Variants in ADAM10 observed in about 807,000 individuals in gnomAD.
ADAM10 encodes the protein ADAM metallopeptidase domain 10, also known as disintegrin and metalloproteinase domain-containing protein 10.
In ADAM10, 17 loss-of-function variants were observed where a neutral mutation model predicts 90.1. That is an observed-to-expected ratio of 0.19 (90% confidence interval 0.13 to 0.28). The LOEUF (loss-of-function observed/expected upper bound fraction) is 0.28, where lower values mean the gene tolerates loss of function less well. ADAM10 is among the 10% of genes least tolerant of loss of function. ADAM10 has a pLI of 1.00. For synonymous variants in ADAM10, 310 were observed against 298.6 expected (o/e 1.04, Z -0.40); for missense variants, 610 against 914.3 (o/e 0.67, Z 4.29).
chr15:58,663,014 T>C (rs1347881828), intron 5 of ADAM10, among the ~76,000 whole-genome samples: 1 of 152,230 alleles, frequency 6.6e-6, no homozygotes, highest in Non-Finnish European at 1.5e-5. Flanking sequence ...CACTCAGATA[T>C]CAATCCTGCA....
chr15:58,698,855 A>T lies in ADAM10; in HGVS notation c.207-16541T>A, dbSNP rs1202075910. On this transcript the variant is annotated intron_variant, in intron 2 of 15. Transcript: ENST00000260408. ...GTGCCCCAGAAGGCAAAGAAAAAAC[A>T]AAAGGGATAAAAAACCTATTTAACA... Among the ~76,000 whole-genome samples, 3 of 152,198 alleles carry T rather than the reference A, an allele frequency of 2.0e-5. No homozygotes were observed. The East Asian group carries it at 5.8e-4, about 29-fold the overall frequency.
At position 58,655,708 on chromosome 15, in the gene ADAM10, ATAGTATATAT is replaced by A. The variant is rs1372886975; in HGVS notation, c.585+9379_585+9388del. Among the ~76,000 whole-genome samples the A allele has an allele frequency of 1.3e-4, 9 of 67,404 alleles. 3 individuals are homozygous for A. Among genetic ancestry groups the A allele is most frequent in the African/African-American group, 2.9e-4 (5 of 17,232 alleles). The allele number at this position is 67,404 out of a possible 152,430, so 44.2% of individuals were successfully genotyped here. A position where few individuals can be genotyped will look rare whatever the true frequency, so the allele number is the denominator to read the frequency against. ...TATATTATATATAGTATATATATATATAGTATATATATATATATATATATATATATATTCT... is the reference window on the plus strand; with the variant it reads ...TATATTATATATAGTATATATATATAATATATATATATATATATATATTCT... On this transcript the variant is annotated intron_variant, in intron 5 of 15. Transcript: ENST00000260408.
intron 2 of ADAM10, among the ~76,000 whole-genome samples, chr15:58,715,928 T>C (rs1338190275): frequency 6.6e-6 from 1 of 152,198 alleles, no homozygotes; most frequent in Non-Finnish European, 1.5e-5. Context: ...TTAATATAAT[T>C]AATAATACTA....
At chr15:58,722,060 C>T (rs560499695) in intron 1 of ADAM10, among the ~76,000 whole-genome samples, 1 of 151,008 alleles carries the variant, frequency 6.6e-6, no homozygotes. Flanking sequence ...AAATAATAGG[C>T]CGGGCACGGT....
At chr15:58,665,326 G>A (rs1265759776) in intron 4 of ADAM10, 129 bp from the exon 5 acceptor site, 1 of 772,634 alleles carries the variant, frequency 1.3e-6, no homozygotes, top group Non-Finnish European at 2.2e-6. Flanking sequence ...AGCACCTATG[G>A]AAAAGGCATT....
chr15:58,665,648 A>C (rs1211589237), intron 4 of ADAM10, among the ~76,000 whole-genome samples: 1 of 151,312 alleles, frequency 6.6e-6, no homozygotes, highest in Non-Finnish European at 1.5e-5. Flanking sequence ...GATACTCCCC[A>C]CCCCTCATTT....
chr15:58,681,767 G>A (rs969336082), intron 3 of ADAM10, among the ~76,000 whole-genome samples: 3 of 152,164 alleles, frequency 2.0e-5, no homozygotes, highest in Admixed American at 1.3e-4. Flanking sequence ...TGAGGAAGAA[G>A]GGCCTTGGGA....
chr15:58,745,082 C>A (rs1899747522), intron 1 of ADAM10, among the ~76,000 whole-genome samples: 1 of 152,304 alleles, frequency 6.6e-6, no homozygotes, highest in East Asian at 1.9e-4. Flanking sequence ...ACTCTGGAGG[C>A]TGAGGCAGAA....
At chr15:58,640,527 T>G (rs1896389208) in intron 8 of ADAM10, among the ~76,000 whole-genome samples, 1 of 152,186 alleles carries the variant, frequency 6.6e-6, no homozygotes, top group Non-Finnish European at 1.5e-5. Flanking sequence ...TCTCATAAAA[T>G]TATTTATTTC....
intron 11 of ADAM10, among the ~76,000 whole-genome samples, chr15:58,614,188 G>C (rs1048369627): frequency 6.6e-6 from 1 of 151,976 alleles, no homozygotes; most frequent in Non-Finnish European, 1.5e-5. Flanking sequence ...AGGAGGTTGA[G>C]GCACAAGAAT....
chr15:58,702,576 A>T (rs1304533158), intron 2 of ADAM10, among the ~76,000 whole-genome samples: 20 of 152,212 alleles, frequency 1.3e-4, no homozygotes, highest in African/African-American at 4.8e-4. Flanking sequence ...TACCCCAGAA[A>T]CATGTACAAG....
chr15:58,623,147 A>G (rs1895836725), intron 10 of ADAM10, among the ~76,000 whole-genome samples: 1 of 152,226 alleles, frequency 6.6e-6, no homozygotes, highest in Non-Finnish European at 1.5e-5. Flanking sequence ...TGTTCTAGAA[A>G]GACTGGCTTT....
intron 2 of ADAM10, among the ~76,000 whole-genome samples, chr15:58,690,336 A>G (rs1003750300): frequency 6.6e-6 from 1 of 152,200 alleles, no homozygotes. Flanking sequence ...AGGTAAAGAT[A>G]TTCACACTTG....
intron 15 of ADAM10, among the ~76,000 whole-genome samples, chr15:58,598,546 T>C (rs373766107): frequency 2.0e-5 from 3 of 152,238 alleles, no homozygotes; most frequent in East Asian, 3.9e-4. Flanking sequence ...AGAAACCTAG[T>C]TTTGAACTAC....
chr15:58,659,792 A>G (rs536658299), intron 5 of ADAM10, among the ~76,000 whole-genome samples: 260 of 152,140 alleles, frequency 1.7e-3, no homozygotes, highest in African/African-American at 5.9e-3. Context: ...GCAGTGGTGC[A>G]ATCTCGGCTC....
chr15:58,749,621 C>T lies in ADAM10; in HGVS notation c.-87G>A, dbSNP rs954812735. The T allele has an allele frequency of 6.5e-7, 1 of 1,540,508 alleles. No individual in the cohort carries two copies. Among genetic ancestry groups the T allele is most frequent in the African/African-American group, 1.4e-5 (1 of 72,618 alleles). On this transcript the variant is annotated 5_prime_UTR_variant, in exon 1 of 16. Transcript: ENST00000260408. ...GAGGGAGAAGCTGAAGGGGCTTGGT[C>T]CGGAGCCTCCACGGGAAGCCGGGAC... is the stretch of plus-strand genomic sequence containing the variant.
At chr15:58,721,065 T>A (rs1898835930) in intron 1 of ADAM10, among the ~76,000 whole-genome samples, 1 of 152,244 alleles carries the variant, frequency 6.6e-6, no homozygotes, top group African/African-American at 2.4e-5. Flanking sequence ...ATTCTGTCAC[T>A]TTTGATAACT....
intron 4 of ADAM10, among the ~76,000 whole-genome samples, chr15:58,667,778 A>G (rs565954793): frequency 3.3e-5 from 5 of 149,906 alleles, no homozygotes; most frequent in Admixed American, 3.3e-4. Context: ...TTTTCTTTTG[A>G]GAAGAAATGA....
At chr15:58,663,013 A>G (rs1169125435) in intron 5 of ADAM10, among the ~76,000 whole-genome samples, 4 of 152,234 alleles carry the variant, frequency 2.6e-5, no homozygotes, top group Non-Finnish European at 5.9e-5. Flanking sequence ...TCACTCAGAT[A>G]TCAATCCTGC....
Sources: gnomAD v4.1 joint callset for allele counts (sites outside exome capture counted in the v4.1 genomes callset) on GRCh38, gnomAD v4.1.1 for gene constraint, MANE v1.5 for transcripts, NCBI Gene and HGNC (gene_info 2026-07-23, HGNC 2026-07-21) for gene names.